SOBP: variants seen among roughly 807,000 people sequenced by gnomAD.
SOBP encodes sine oculis-binding protein homolog.
SOBP carries 4 observed loss-of-function variants against 53.6 expected under a neutral mutation model. The ratio of observed to expected loss-of-function variants is 0.07; its 90% CI spans 0.04 to 0.17. The LOEUF (loss-of-function observed/expected upper bound fraction) is 0.17, where lower values mean the gene tolerates loss of function less well. Ranked by LOEUF, SOBP falls within the 10% of genes least tolerant of loss-of-function variation. SOBP has a pLI of 1.00. For missense variants in SOBP, 1,088 were observed against 1,204.7 expected (o/e 0.90, Z 1.43); for synonymous variants, 584 against 522.6 (o/e 1.12, Z -1.60).
At chr6:107,619,188 A>G (rs968087085) in intron 5 of SOBP, among the ~76,000 whole-genome samples, 2 of 152,172 alleles carry the variant, frequency 1.3e-5, no homozygotes, top group Non-Finnish European at 2.9e-5. Context: ...AGGTGCCATG[A>G]GATCCAGGCC....
intron 5 of SOBP, among the ~76,000 whole-genome samples, chr6:107,602,735 C>A (rs1786232289): frequency 6.6e-6 from 1 of 152,002 alleles, no homozygotes; most frequent in South Asian, 2.1e-4. Flanking sequence ...CCAGTAAAAC[C>A]CAACAAGAAC....
chr6:107,625,650 A>T (rs1023730330), intron 5 of SOBP, among the ~76,000 whole-genome samples: 2 of 152,198 alleles, frequency 1.3e-5, no homozygotes, highest in Non-Finnish European at 2.9e-5. Context: ...CCAGGGTGAG[A>T]TACAACCCAG....
chr6:107,510,958 A>G (rs1038434323), intron 3 of SOBP, among the ~76,000 whole-genome samples: 2 of 152,232 alleles, frequency 1.3e-5, no homozygotes, highest in African/African-American at 2.4e-5. Context: ...TAAACTGGCT[A>G]TGTGAAAATG....
At position 107,634,095 on chromosome 6, in the gene SOBP, C is replaced by A. The variant is rs763112693; in HGVS notation, c.1251C>A (p.His417Gln). The A allele has an allele frequency of 6.2e-7, 1 of 1,601,234 alleles. No individual in the cohort carries two copies. The highest frequency in any genetic ancestry group is 8.5e-7 in the Non-Finnish European group (1 of 1,173,374). ...IRPPFIRGPP[H>Q]HASNPNSPLS... is the part of the protein sequence containing the mutation. ...CGCCCTTCATCCGCGGGCCTCCGCA[C>A]CATGCCTCCAACCCCAACAGCCCCC... Residue 417 changes from histidine to glutamine, a missense_variant, in exon 6 of 7, where the codon CAC (histidine) becomes CAA (glutamine). Physicochemically the swap from His to Gln is conservative, Grantham distance 24. Coordinates refer to ENST00000317357, the MANE Select transcript of SOBP (RefSeq NM_018013.4). The surrounding 1 kb of genome is among the most constrained non-coding windows in gnomAD (Gnocchi z 4.5).
intron 1 of SOBP, among the ~76,000 whole-genome samples, chr6:107,500,817 A>G (rs530831537): frequency 9.1e-4 from 139 of 152,086 alleles, no homozygotes; most frequent in South Asian, 2.5e-3. Context: ...GAGCCACCAC[A>G]CCCAGCCTTA....
intron 4 of SOBP, among the ~76,000 whole-genome samples, chr6:107,541,217 G>A (rs371724231): frequency 6.6e-5 from 10 of 152,120 alleles, no homozygotes; most frequent in South Asian, 2.1e-4. Flanking sequence ...ATTCATCTTC[G>A]AATAGAGGAA....
chr6:107,610,472 A>C (rs1314755510), intron 5 of SOBP, among the ~76,000 whole-genome samples: 1 of 152,212 alleles, frequency 6.6e-6, no homozygotes, highest in African/African-American at 2.4e-5. Context: ...AGGGATCCAC[A>C]TGCTAATGTG....
chr6:107,494,386 TCTA>T (rs1227202903), intron 1 of SOBP, among the ~76,000 whole-genome samples: 2 of 152,218 alleles, frequency 1.3e-5, no homozygotes, highest in African/African-American at 4.8e-5. Flanking sequence ...AAAACTAACT[TCTA>T]CTAGTGGATG....
chr6:107,540,178 A>G (rs1272941858), intron 4 of SOBP, among the ~76,000 whole-genome samples: 6 of 152,204 alleles, frequency 3.9e-5, no homozygotes, highest in African/African-American at 1.4e-4. Flanking sequence ...CACCTTTGCA[A>G]TGTCTGGTCA....
chr6:107,508,712 G>T (rs1343491267), intron 3 of SOBP, among the ~76,000 whole-genome samples: 9 of 152,164 alleles, frequency 5.9e-5, no homozygotes, highest in Non-Finnish European at 1.5e-5. Flanking sequence ...TATAAAGTTT[G>T]CCTTATTGTG....
intron 5 of SOBP, among the ~76,000 whole-genome samples, chr6:107,616,079 G>T (rs1355021284): frequency 4.7e-5 from 5 of 106,994 alleles, no homozygotes; most frequent in African/African-American, 2.2e-4. Context: ...ATTGAGGAAG[G>T]GGGGTGGGGG....
At chr6:107,571,228 G>T (rs547212901) in intron 4 of SOBP, among the ~76,000 whole-genome samples, 1 of 152,346 alleles carries the variant, frequency 6.6e-6, no homozygotes, top group East Asian at 1.9e-4. Context: ...AGACAGTTGT[G>T]CCAGTGGGTG....
chr6:107,646,004 C>A (rs1771540963), intron 6 of SOBP, among the ~76,000 whole-genome samples: 1 of 152,152 alleles, frequency 6.6e-6, no homozygotes, highest in Non-Finnish European at 1.5e-5. Context: ...AATTTGTACT[C>A]AATACATTGG....
chr6:107,621,897 G>T (rs1394479289), intron 5 of SOBP, among the ~76,000 whole-genome samples: 1 of 152,096 alleles, frequency 6.6e-6, no homozygotes, highest in African/African-American at 2.4e-5. Context: ...GTGTTTTGTT[G>T]GTTTGGGTTT....
At position 107,565,737 on chromosome 6, in the gene SOBP, C is replaced by A. The variant is rs75507190; in HGVS notation, c.574-21343C>A. Among the ~76,000 whole-genome samples the A allele has an allele frequency of 3.4e-3, 525 of 152,286 alleles. 6 individuals are homozygous for A. Among genetic ancestry groups the A allele is most frequent in the African/African-American group, 0.012 (498 of 41,546 alleles). On this transcript the variant is annotated intron_variant, in intron 4 of 6. Transcript: ENST00000317357. ...TGCAGAGTCAGAAGGACTGAAAAAT[C>A]AAAATGAACCTAAAAGTCATCTGAG...
At chr6:107,649,885 T>G (rs959894247) in intron 6 of SOBP, among the ~76,000 whole-genome samples, 4 of 152,146 alleles carry the variant, frequency 2.6e-5, no homozygotes, top group Non-Finnish European at 5.9e-5. Context: ...AGTTCTGGGT[T>G]CTTCGCCCCT....
At chr6:107,531,430 A>G (rs1038404653) in intron 3 of SOBP, among the ~76,000 whole-genome samples, 1 of 152,232 alleles carries the variant, frequency 6.6e-6, no homozygotes. Context: ...ATTAGTTGCT[A>G]TCTAGTTTAG....
intron 1 of SOBP, among the ~76,000 whole-genome samples, chr6:107,497,678 C>T (rs1205054909): frequency 9.2e-5 from 14 of 152,106 alleles, no homozygotes; most frequent in Admixed American, 9.2e-4. Context: ...AATAGCTTTT[C>T]ATGGCAATAA....
At chr6:107,548,467 C>A (rs543426657) in intron 4 of SOBP, among the ~76,000 whole-genome samples, 1 of 152,202 alleles carries the variant, frequency 6.6e-6, no homozygotes, top group African/African-American at 2.4e-5. Context: ...TGGTCTCCAT[C>A]TCCTGACCTC....
Sources: allele counts gnomAD v4.1 joint callset (sites outside exome capture counted in the v4.1 genomes callset), GRCh38; gene constraint gnomAD v4.1.1; non-coding constraint Gnocchi (gnomAD v3.1); transcripts MANE v1.5; gene names NCBI Gene and HGNC (gene_info 2026-07-23, HGNC 2026-07-21).